AIRIM: variants seen among roughly 807,000 people sequenced by gnomAD.
AIRIM encodes AFG2-interacting ribosome maturation factor.
chr1:37,689,631 CGAT>C, the AIRIM span: 1 of 1,611,382 alleles, frequency 6.2e-7, no homozygotes, highest in Non-Finnish European at 8.5e-7. Flanking sequence ...TTGTCCAGGA[CGAT>C]GTCACCAGCC....
chr1:37,682,831 A>G, the AIRIM span: 2 of 352,366 alleles, frequency 5.7e-6, no homozygotes, highest in Admixed American at 8.9e-5. Context: ...GAGGAAAGAC[A>G]CTATGTTCTT....
chr1:37,682,289 A>C, the AIRIM span: 2 of 152,244 alleles, frequency 1.3e-5, no homozygotes, highest in Non-Finnish European at 2.9e-5. Context: ...GGGAAGCTGA[A>C]AGATCTGAAA....
At chr1:37,682,238 A>C in the AIRIM span, 2 of 152,220 alleles carry the variant, frequency 1.3e-5, no homozygotes, top group Admixed American at 6.5e-5. Flanking sequence ...CCCTTTACTA[A>C]GTCCCTTTAC....
At chr1:37,686,280 G>T in the AIRIM span, 1 of 1,612,646 alleles carries the variant, frequency 6.2e-7, no homozygotes, top group South Asian at 1.1e-5. Flanking sequence ...TACGACTTTC[G>T]ATAATGTCTC....
chr1:37,688,632 AAAAGG>A, the AIRIM span, among the ~76,000 whole-genome samples: 4 of 152,192 alleles, frequency 2.6e-5, no homozygotes, highest in African/African-American at 9.7e-5. Context: ...ACAAATAAAT[AAAAGG>A]AAAGTCCTCA....
the AIRIM span, chr1:37,686,200 A>G: frequency 7.1e-7 from 1 of 1,409,600 alleles, no homozygotes; most frequent in Non-Finnish European, 9.5e-7. Flanking sequence ...TTAGTTTTCC[A>G]ATCTTGTGAA....
the AIRIM span, among the ~76,000 whole-genome samples, chr1:37,690,773 CT>C: frequency 6.6e-6 from 1 of 152,190 alleles, no homozygotes; most frequent in African/African-American, 2.4e-5. Context: ...GCTGTGGAGT[CT>C]TTTCCTCTTA....
chr1:37,687,802 G>C, the AIRIM span, among the ~76,000 whole-genome samples: 1 of 152,182 alleles, frequency 6.6e-6, no homozygotes, highest in Admixed American at 6.5e-5. Flanking sequence ...GCACTCCTGG[G>C]TTCAAATGAT....
chr1:37,687,077 TG>T, the AIRIM span, among the ~76,000 whole-genome samples: 117 of 148,142 alleles, frequency 7.9e-4, no homozygotes, highest in Middle Eastern at 3.5e-3. Context: ...TGTGTGTGTG[TG>T]TGTGTGTGTG....
the AIRIM span, chr1:37,683,117 G>A: frequency 6.2e-7 from 1 of 1,612,268 alleles, no homozygotes; most frequent in Non-Finnish European, 8.5e-7. Context: ...GATACGCATA[G>A]CTTCCTTACT....
the AIRIM span, chr1:37,686,420 C>T: frequency 6.2e-7 from 1 of 1,614,014 alleles, no homozygotes; most frequent in Non-Finnish European, 8.5e-7. Context: ...CACATGGCTG[C>T]TGACCATGTC....
At chr1:37,690,339 T>C in the AIRIM span, 3 of 1,290,226 alleles carry the variant, frequency 2.3e-6, no homozygotes, top group Admixed American at 2.3e-5. Flanking sequence ...GTAACCTGGA[T>C]AGGGCAGTCT....
chr1:37,686,561 G>T, the AIRIM span: 1 of 1,112,136 alleles, frequency 9.0e-7, no homozygotes, highest in Non-Finnish European at 1.3e-6. Flanking sequence ...CTGTTGTGAA[G>T]GGCTGCCCTG....
the AIRIM span, among the ~76,000 whole-genome samples, chr1:37,687,575 C>T: frequency 6.6e-6 from 1 of 151,756 alleles, no homozygotes; most frequent in Admixed American, 6.6e-5. Flanking sequence ...TATGGCAAGA[C>T]TATCTCCACA....
the AIRIM span, chr1:37,689,874 G>A: frequency 1.9e-6 from 3 of 1,555,032 alleles, no homozygotes; most frequent in South Asian, 2.3e-5. Flanking sequence ...GGCCGGTCTT[G>A]AGTCATCTTC....
chr1:37,683,553 T>C, the AIRIM span: 3 of 1,237,016 alleles, frequency 2.4e-6, no homozygotes, highest in South Asian at 4.4e-5. Flanking sequence ...TCCTTACATT[T>C]TACCAGGTGG....
At chr1:37,686,242 G>A in the AIRIM span, 1 of 1,582,340 alleles carries the variant, frequency 6.3e-7, no homozygotes, top group Non-Finnish European at 8.6e-7. Flanking sequence ...GAACAGCTCT[G>A]GCTGTGACCT....
the AIRIM span, among the ~76,000 whole-genome samples, chr1:37,690,751 C>T: frequency 1.3e-5 from 2 of 152,214 alleles, no homozygotes; most frequent in African/African-American, 4.8e-5. Context: ...GCGGTGGTGG[C>T]ATGTCCTGTT....
chr1:37,685,461 C>T, the AIRIM span, among the ~76,000 whole-genome samples: 1 of 151,786 alleles, frequency 6.6e-6, no homozygotes, highest in Admixed American at 6.6e-5. Context: ...CTCACTGCAG[C>T]CTTGACCTCC....
Sources: allele counts gnomAD v4.1 joint callset (sites outside exome capture counted in the v4.1 genomes callset), GRCh38; gene constraint gnomAD v4.1.1; transcripts MANE v1.5; gene names NCBI Gene and HGNC (gene_info 2026-07-23, HGNC 2026-07-21).